SCTR: variants seen among roughly 807,000 people sequenced by gnomAD.
SCTR encodes the protein secretin receptor, also known as pancreatic secretin receptor.
Under a neutral mutation model 60.8 loss-of-function variants are expected in SCTR, and 56 were observed. The observed-to-expected ratio is 0.92, with a 90% CI of 0.74 to 1.15. The LOEUF (loss-of-function observed/expected upper bound fraction) is 1.15, where lower values mean the gene tolerates loss of function less well. SCTR is among the 50% of genes most tolerant of loss of function. SCTR has a pLI of 0.00. For missense variants in SCTR, 562 were observed against 550.4 expected (o/e 1.02, Z -0.21); for synonymous variants, 202 against 217.0 (o/e 0.93, Z 0.61).
intron 8 of SCTR, among the ~76,000 whole-genome samples, chr2:119,452,480 C>T (rs2104775194): frequency 6.6e-6 from 1 of 152,274 alleles, no homozygotes; most frequent in Non-Finnish European, 1.5e-5. Flanking sequence ...ACTGAGCAAA[C>T]TGGGGAGCAT....
chr2:119,487,208 A>G (rs528303815), intron 2 of SCTR: 1 of 152,362 alleles, frequency 6.6e-6, no homozygotes, highest in African/African-American at 2.4e-5. Flanking sequence ...GGGGTAATGA[A>G]GATATTTTGG....
At chr2:119,502,538 A>G (rs1376038663) in intron 1 of SCTR, among the ~76,000 whole-genome samples, 1 of 152,232 alleles carries the variant, frequency 6.6e-6, no homozygotes, top group Non-Finnish European at 1.5e-5. Flanking sequence ...TAGAAAAGCA[A>G]AAGAATGAGA....
At chr2:119,450,958 G>A (rs996459930) in intron 9 of SCTR, among the ~76,000 whole-genome samples, 1 of 152,238 alleles carries the variant, frequency 6.6e-6, no homozygotes, top group Non-Finnish European at 1.5e-5. Flanking sequence ...GTGAGACCCT[G>A]TCTCAAAAAG....
rs148759303 is a variant in SCTR at position 119,479,348 on chromosome 2, G to A, written c.194-430C>T. Reference sequence around the variant, plus strand: ...AGCTTTAGAAATAGACCTAGCCGGCGTGGCACACAGGGATCCTGCATGAAT... The same window carrying A: ...AGCTTTAGAAATAGACCTAGCCGGCATGGCACACAGGGATCCTGCATGAAT... On this transcript the variant is annotated intron_variant, in intron 2 of 12. Transcript: ENST00000019103. 634 of 906,890 alleles carry A rather than the reference G, an allele frequency of 7.0e-4. 4 individuals carry two copies. The African/African-American group carries it at 0.011, about 15-fold the overall frequency. The allele number at this position is 906,890 out of a possible 1,614,324, so 56.2% of individuals were successfully genotyped here.
chr2:119,444,277 ATATGAATATATACACATATATACG>A (rs1558830864), intron 11 of SCTR, among the ~76,000 whole-genome samples: 220 of 75,840 alleles, frequency 2.9e-3, no homozygotes, highest in Middle Eastern at 7.5e-3. Context: ...ACATATATAC[ATATGAATATATACACATATATACG>A]TATGAATATA....
intron 7 of SCTR, among the ~76,000 whole-genome samples, chr2:119,455,145 A>G (rs1442775580): frequency 6.6e-6 from 1 of 152,128 alleles, no homozygotes; most frequent in Non-Finnish European, 1.5e-5. Flanking sequence ...TCAGGCCTCT[A>G]CTGAATGGGC....
rs763208082 is a variant in SCTR at position 119,464,194 on chromosome 2, C to G, written c.565G>C (p.Ala189Pro). 10 of 1,614,034 alleles carry G rather than the reference C, an allele frequency of 6.2e-6. No individual in the cohort carries two copies. In the Admixed American group the frequency reaches 1.7e-4, roughly 27 times the overall value. The change falls in exon 6 of 13, where the codon GCC becomes CCC. Residue 189 changes from alanine (A) to proline (P), a missense_variant. Physicochemically the swap from Ala to Pro is conservative, Grantham distance 27. Coordinates refer to ENST00000019103, the MANE Select transcript of SCTR (RefSeq NM_002980.3). ...GCGTCCTTGATGAAGTTGGACAGGG[C>G]ACGAAGGATGAAGGACACGAACAGG... is the stretch of plus-strand genomic sequence containing the variant. Reference protein sequence around the residue: ...MHLFVSFILRALSNFIKDAVL... With the variant: ...MHLFVSFILRPLSNFIKDAVL...
At chr2:119,513,872 A>C (rs936828447) in intron 1 of SCTR, among the ~76,000 whole-genome samples, 2 of 152,206 alleles carry the variant, frequency 1.3e-5, no homozygotes, top group African/African-American at 4.8e-5. Flanking sequence ...ACTGGTGCCC[A>C]TCCATTGCTT....
At chr2:119,446,643 C>G in intron 11 of SCTR, 116 bp downstream of exon 11, 1 of 1,039,494 alleles carries the variant, frequency 9.6e-7, no homozygotes. Context: ...ACCCCTTCTT[C>G]CCCTGGGTCT....
chr2:119,458,912 C>T (rs143695939), intron 7 of SCTR, among the ~76,000 whole-genome samples: 22 of 152,304 alleles, frequency 1.4e-4, no homozygotes, highest in African/African-American at 5.3e-4. Flanking sequence ...CAGTGCCAGC[C>T]GCTCACTCTC....
intron 1 of SCTR, among the ~76,000 whole-genome samples, chr2:119,508,914 C>A (rs1052329496): frequency 6.6e-6 from 1 of 152,176 alleles, no homozygotes; most frequent in African/African-American, 2.4e-5. Context: ...ACATCCATTG[C>A]GTCCTCTTGA....
At chr2:119,487,879 C>A (rs1677942925) in intron 2 of SCTR, among the ~76,000 whole-genome samples, 1 of 152,130 alleles carries the variant, frequency 6.6e-6, no homozygotes, top group Admixed American at 6.5e-5. Context: ...ATTAACCCTG[C>A]ACCCTCAACG....
In SCTR at chr2:119,464,103, G is replaced by C; in HGVS notation, c.636+20C>G. On this transcript the variant is annotated intron_variant, in intron 6 of 12. Coordinates refer to ENST00000019103, the MANE Select transcript of SCTR (RefSeq NM_002980.3). ...AGGCAGGCGGGCCTGGCGACATCCT[G>C]GGGCACCCAGACATATTACCCTGTG... 2 of 1,613,550 alleles carry C rather than the reference G, an allele frequency of 1.2e-6. No individual in the cohort carries two copies. The highest frequency in any genetic ancestry group is 1.7e-6 in the Non-Finnish European group (2 of 1,179,724).
Position 119,440,004 on chromosome 2 carries a change from A to G in SCTR, c.*113T>C, listed in dbSNP as rs1682594528. The G allele has an allele frequency of 1.3e-5, 15 of 1,138,036 alleles. No individual in the cohort carries two copies. Among genetic ancestry groups the G allele is most frequent in the Non-Finnish European group, 1.9e-5 (15 of 804,732 alleles). 70.5% of individuals were successfully genotyped at this position (1,138,036 alleles called of 1,614,324 possible). On this transcript the variant is annotated 3_prime_UTR_variant, in exon 13 of 13. Transcript: ENST00000019103. ...CCAAGGCCTGGGGAGGGGCATCTTC[A>G]GCTGAAGGAGGACACAGGGTGTCTG...
chr2:119,472,515 T>A (rs1335971131), intron 4 of SCTR, among the ~76,000 whole-genome samples: 1 of 152,148 alleles, frequency 6.6e-6, no homozygotes, highest in African/African-American at 2.4e-5. Flanking sequence ...AGAGGAAGCC[T>A]CTGGAGGTCC....
chr2:119,488,698 TC>T (rs1384129408), intron 2 of SCTR, among the ~76,000 whole-genome samples: 1 of 152,160 alleles, frequency 6.6e-6, no homozygotes, highest in East Asian at 1.9e-4. Flanking sequence ...CACCAGCCAT[TC>T]ATGGCAGAGG....
intron 3 of SCTR, chr2:119,476,462 CA>C (rs1677314805): frequency 6.6e-6 from 1 of 152,288 alleles, no homozygotes. Flanking sequence ...CACAGGACCC[CA>C]GCTTCCATCC....
chr2:119,519,222 G>T (rs544814968), intron 1 of SCTR, among the ~76,000 whole-genome samples: 1 of 151,960 alleles, frequency 6.6e-6, no homozygotes, highest in South Asian at 2.1e-4. Context: ...TGATCCACCC[G>T]CCTCGGCCTC....
At chr2:119,490,415 C>T (rs1678069620) in intron 2 of SCTR, among the ~76,000 whole-genome samples, 1 of 152,226 alleles carries the variant, frequency 6.6e-6, no homozygotes, top group Non-Finnish European at 1.5e-5. Flanking sequence ...GGTTCTCTTC[C>T]CTTCCCGCTC....
Sources: allele counts gnomAD v4.1 joint callset (sites outside exome capture counted in the v4.1 genomes callset), GRCh38; gene constraint gnomAD v4.1.1; transcripts MANE v1.5; gene names NCBI Gene and HGNC (gene_info 2026-07-23, HGNC 2026-07-21).